The following SUCLG1 variants were observed in gnomAD, a reference collection of about 807,000 sequenced individuals.
SUCLG1 encodes the protein succinate--CoA ligase [ADP/GDP-forming] subunit alpha, mitochondrial.
A neutral mutation model predicts 37.3 loss-of-function variants in SUCLG1; 26 were observed. The observed-to-expected ratio is 0.70, with a 90% confidence interval of 0.51 to 0.97. The LOEUF (loss-of-function observed/expected upper bound fraction) is 0.97. SUCLG1 is among the 50% of genes least tolerant of loss of function. The probability of loss-of-function intolerance (pLI) is 0.00; values close to 1 mark genes in which losing one functional copy is unlikely to be tolerated. For missense variants in SUCLG1, 433 were observed against 432.9 expected (o/e 1.00, Z 0.00); for synonymous variants, 163 against 155.6 (o/e 1.05, Z -0.36).
At chr2:84,430,874 G>A (rs990741717) in intron 7 of SUCLG1, among the ~76,000 whole-genome samples, 2 of 152,134 alleles carry the variant, frequency 1.3e-5, no homozygotes, top group East Asian at 1.9e-4. Context: ...AGTCACTACC[G>A]CACCCCCATC....
chr2:84,435,413 G>T (rs1672673034), intron 5 of SUCLG1, among the ~76,000 whole-genome samples: 1 of 152,116 alleles, frequency 6.6e-6, no homozygotes, highest in Non-Finnish European at 1.5e-5. Context: ...AGTATTTCTG[G>T]GGTAGAAACA....
At chr2:84,432,162 G>A (rs141819166) in intron 6 of SUCLG1, among the ~76,000 whole-genome samples, 55 of 152,318 alleles carry the variant, frequency 3.6e-4, no homozygotes, top group African/African-American at 1.3e-3. Context: ...TGAGTACCCT[G>A]ACTGCTCGTG....
At chr2:84,430,655 C>T (rs554479518) in intron 7 of SUCLG1, among the ~76,000 whole-genome samples, 2 of 152,136 alleles carry the variant, frequency 1.3e-5, no homozygotes, top group Non-Finnish European at 2.9e-5. Flanking sequence ...GCATTTAATT[C>T]ATTCACTGGT....
intron 5 of SUCLG1, among the ~76,000 whole-genome samples, chr2:84,439,488 C>T (rs576276191): frequency 2.0e-5 from 3 of 152,252 alleles, no homozygotes; most frequent in African/African-American, 7.2e-5. Flanking sequence ...GGATCTGGCC[C>T]CACTGGAACT....
At chr2:84,424,292 A>C (rs576539269) in intron 8 of SUCLG1, among the ~76,000 whole-genome samples, 57 of 152,344 alleles carry the variant, frequency 3.7e-4, no homozygotes, top group African/African-American at 1.2e-3. Flanking sequence ...ACAATACCAA[A>C]AATCATATTT....
At chr2:84,448,902 A>T (rs568092612) in intron 2 of SUCLG1, 111 of 351,386 alleles carry the variant, frequency 3.2e-4, no homozygotes, top group South Asian at 2.7e-3. Context: ...ATGCACAAGA[A>T]AAATATCTGA....
At chr2:84,452,971 A>G (rs1240798618) in intron 1 of SUCLG1, among the ~76,000 whole-genome samples, 3 of 152,228 alleles carry the variant, frequency 2.0e-5, no homozygotes, top group Non-Finnish European at 4.4e-5. Context: ...AAAGAACCCT[A>G]TATCTATTTT....
At chr2:84,449,789 A>T in intron 1 of SUCLG1, 37 bp from the exon 2 acceptor site, 1 of 1,281,330 alleles carries the variant, frequency 7.8e-7, no homozygotes, top group South Asian at 1.4e-5. Flanking sequence ...AAAAAAAAAG[A>T]CACATTATAA....
chr2:84,455,387 G>A (rs935009990), intron 1 of SUCLG1, among the ~76,000 whole-genome samples: 2 of 152,076 alleles, frequency 1.3e-5, no homozygotes, highest in African/African-American at 2.4e-5. Flanking sequence ...CCAGCTAGTC[G>A]GGAGGCTGAG....
chr2:84,443,623 T>A (rs767231260), intron 2 of SUCLG1, among the ~76,000 whole-genome samples: 1 of 152,182 alleles, frequency 6.6e-6, no homozygotes, highest in Non-Finnish European at 1.5e-5. Flanking sequence ...GTTTTCAAAC[T>A]TGGCTGATAA....
At chr2:84,425,136 A>G (rs2104236255) in intron 8 of SUCLG1, among the ~76,000 whole-genome samples, 1 of 152,352 alleles carries the variant, frequency 6.6e-6, no homozygotes, top group Middle Eastern at 3.4e-3. Context: ...CATGACACTT[A>G]CGATCTTCAA....
chr2:84,433,348 T>C lies in SUCLG1; in HGVS notation c.673+4A>G. ...ATAAAATGATTTTAGCAAAAGTCCC[T>C]CACCAACGCACAAAGACTGCCCCAA... is the stretch of plus-strand genomic sequence containing the variant. On this transcript the variant is annotated splice_donor_region_variant and intron_variant, in intron 6 of 8. Transcript: ENST00000393868. 1 of 1,613,636 alleles carries C rather than the reference T, an allele frequency of 6.2e-7. No individual in the cohort carries two copies. Among genetic ancestry groups the C allele is most frequent in the East Asian group, 2.2e-5 (1 of 44,868 alleles).
intron 3 of SUCLG1, among the ~76,000 whole-genome samples, chr2:84,442,238 TCTC>T (rs1043784273): frequency 6.7e-6 from 1 of 150,350 alleles, no homozygotes; most frequent in Non-Finnish European, 1.5e-5. Flanking sequence ...TAAAAAAACA[TCTC>T]CTCTCTATAT....
At chr2:84,445,726 T>C (rs763434007) in intron 2 of SUCLG1, among the ~76,000 whole-genome samples, 2 of 152,230 alleles carry the variant, frequency 1.3e-5, no homozygotes, top group Non-Finnish European at 2.9e-5. Flanking sequence ...CCCCTTCTAC[T>C]GCTATCACCT....
intron 2 of SUCLG1, 34 bp downstream of exon 2, chr2:84,449,615 C>T: frequency 7.3e-7 from 1 of 1,369,184 alleles, no homozygotes; most frequent in Non-Finnish European, 1.0e-6. Context: ...TATCTCTAGT[C>T]TACATTTGAA....
chr2:84,457,599 G>C (rs1044451004), intron 1 of SUCLG1, among the ~76,000 whole-genome samples: 9 of 152,130 alleles, frequency 5.9e-5, no homozygotes, highest in Non-Finnish European at 1.3e-4. Flanking sequence ...CCTGAGGCTA[G>C]GATCTTTCAG....
chr2:84,444,470 T>C (rs970144415), intron 2 of SUCLG1, among the ~76,000 whole-genome samples: 2 of 152,156 alleles, frequency 1.3e-5, no homozygotes, highest in African/African-American at 4.8e-5. Context: ...ACAGAGATCA[T>C]GTGCTTCACA....
At chr2:84,432,610 C>T (rs1672628751) in intron 6 of SUCLG1, 1 of 152,138 alleles carries the variant, frequency 6.6e-6, no homozygotes. Context: ...TTTGCATGTA[C>T]AAATGCTCAA....
intron 5 of SUCLG1, among the ~76,000 whole-genome samples, chr2:84,436,825 G>C (rs563207214): frequency 5.9e-5 from 9 of 152,146 alleles, no homozygotes; most frequent in African/African-American, 1.7e-4. Flanking sequence ...ATTTTCAATG[G>C]GTCAATAAAT....
Sources: allele counts gnomAD v4.1 joint callset (sites outside exome capture counted in the v4.1 genomes callset), GRCh38; gene constraint gnomAD v4.1.1; transcripts MANE v1.5; gene names NCBI Gene and HGNC (gene_info 2026-07-23, HGNC 2026-07-21).